RSRP1: variants seen among roughly 807,000 people sequenced by gnomAD.
The protein encoded by RSRP1 is arginine/serine-rich protein 1.
Under a neutral mutation model 33.0 loss-of-function variants are expected in RSRP1, and 37 were observed. The observed-to-expected ratio is 1.12, with a 90% confidence interval of 0.86 to 1.48. The LOEUF (loss-of-function observed/expected upper bound fraction) is 1.48. Among genes scored for constraint, RSRP1 ranks in the 40% most tolerant of loss-of-function variants. The probability of loss-of-function intolerance (pLI) is 0.00; values close to 1 mark genes in which losing one functional copy is unlikely to be tolerated. For missense variants in RSRP1, 402 were observed against 385.3 expected, an observed-to-expected ratio of 1.04 and a Z score of -0.36; for synonymous variants, 167 against 158.7, an observed-to-expected ratio of 1.05 and a Z score of -0.40.
chr1:25,334,970 T>C (rs2124213649), intron 1 of RSRP1, among the ~76,000 whole-genome samples: 1 of 122,078 alleles, frequency 8.2e-6, no homozygotes, highest in East Asian at 2.0e-4. Context: ...TGGAGACATT[T>C]TCCCCATTGT....
chr1:25,270,885 A>C (rs1292568721), intron 1 of RSRP1, among the ~76,000 whole-genome samples: 1 of 131,356 alleles, frequency 7.6e-6, no homozygotes, highest in Non-Finnish European at 1.8e-5. Flanking sequence ...AAATGTATAA[A>C]GCAAAATTAA....
chr1:25,321,498 TAAA>T (rs1214598540), intron 1 of RSRP1, among the ~76,000 whole-genome samples: 3 of 76,334 alleles, frequency 3.9e-5, no homozygotes, highest in African/African-American at 4.3e-5. Flanking sequence ...CCATCTCTAC[TAAA>T]AAAAAAAAAA....
At chr1:25,253,780 C>A (rs1639864550) in intron 1 of RSRP1, 1 of 152,442 alleles carries the variant, frequency 6.6e-6, no homozygotes, top group Non-Finnish European at 1.5e-5. Context: ...GGCCCCTAAT[C>A]CACAAGCCCA....
At position 25,309,808 on chromosome 1, in the gene RSRP1, A is replaced by C. The variant is rs1442569224; in HGVS notation, c.-67+28170T>G. On this transcript the variant is annotated intron_variant, in intron 1 of 1. Coordinates refer to the RSRP1 transcript ENST00000561867. ...TCACTCACAGGGCTGCTGTGAGGAC[A>C]TGTGTTGAGCTGAGGGTCTCGCCAG... Among the ~76,000 whole-genome samples the C allele has an allele frequency of 2.3e-5, 3 of 132,526 alleles. 1 individual carries two copies. Among genetic ancestry groups the C allele is most frequent in the Admixed American group, 1.5e-4 (2 of 13,654 alleles). 86.9% of individuals were successfully genotyped at this position (132,526 alleles called of 152,430 possible).
rs599261 is a variant in RSRP1 at position 25,296,610 on chromosome 1, C to T, written c.-67+41368G>A. On this transcript the variant is annotated intron_variant, in intron 1 of 1. Coordinates refer to the RSRP1 transcript ENST00000561867. Reference sequence around the variant, plus strand: ...TCCAATCTCATCTCGAATTGTAATCCCCACGTGTTGAGGGCATGACCTCGT... The same window carrying T: ...TCCAATCTCATCTCGAATTGTAATCTCCACGTGTTGAGGGCATGACCTCGT... Among the ~76,000 whole-genome samples, 182 of 129,104 alleles carry T rather than the reference C, an allele frequency of 1.4e-3. 21 individuals carry two copies. Among genetic ancestry groups the T allele is most frequent in the African/African-American group, 4.6e-3 (168 of 36,146 alleles). 84.7% of individuals were successfully genotyped at this position (129,104 alleles called of 152,430 possible). A position where few individuals can be genotyped will look rare whatever the true frequency, so the allele number is the denominator to read the frequency against.
Position 25,289,823 on chromosome 1 carries a change from ATT to A in RSRP1, c.-66-42796_-66-42795del, listed in dbSNP as rs71014347. 1.6e-4 allele frequency among the ~76,000 whole-genome samples: 19 copies of A among 115,864 alleles called. 2 individuals carry two copies. Among genetic ancestry groups the A allele is most frequent in the African/African-American group, 3.6e-4 (12 of 33,698 alleles). The allele number at this position is 115,864 out of a possible 152,430, so 76.0% of individuals were successfully genotyped here. On this transcript the variant is annotated intron_variant, in intron 1 of 1. Transcript: ENST00000561867. ...TGTAGCCTGTCTAGATCATAAGTAC[ATT>A]TTTTTTTTTTTTGGATCATAAGTAT...
At chr1:25,245,116 G>A in intron 3 of RSRP1, 34 bp downstream of exon 3, 1 of 1,614,080 alleles carries the variant, frequency 6.2e-7, no homozygotes, top group East Asian at 2.2e-5. Context: ...TTGGCTTTCT[G>A]AAAGTTTTGT....
chr1:25,296,846 C>T lies in RSRP1; in HGVS notation c.-67+41132G>A, dbSNP rs1191349530. Among the ~76,000 whole-genome samples, 11 of 127,958 alleles carry T rather than the reference C, an allele frequency of 8.6e-5. 3 individuals are homozygous for T. The South Asian group carries it at 2.7e-3, about 31-fold the overall frequency. The allele number at this position is 127,958 out of a possible 152,430, so 83.9% of individuals were successfully genotyped here. On this transcript the variant is annotated intron_variant, in intron 1 of 1. Transcript: ENST00000561867. ...CTGAGGCCTCCCCGGCCATGCCAAA[C>T]TGTGAGTCAATTCAGCCTCTTTTGT... is the stretch of plus-strand genomic sequence containing the variant.
chr1:25,271,561 C>T lies in RSRP1; in HGVS notation c.-66-24532G>A, dbSNP rs1281335047. On this transcript the variant is annotated intron_variant, in intron 1 of 1. Transcript: ENST00000561867. ...TTCTTTTCTTCCTCTTTCATCTCTT[C>T]CTCCCTCTCTACATCCCTCTCTCTC... Among the ~76,000 whole-genome samples the T allele has an allele frequency of 1.5e-5, 2 of 132,776 alleles. 1 individual carries two copies. Among genetic ancestry groups the T allele is most frequent in the Non-Finnish European group, 3.6e-5 (2 of 55,884 alleles). 87.1% of individuals were successfully genotyped at this position (132,776 alleles called of 152,430 possible).
At chr1:25,242,761 CA>C (rs1186762009) in intron 4 of RSRP1, 56 bp from the exon 5 acceptor site, 54 of 1,196,730 alleles carry the variant, frequency 4.5e-5, no homozygotes, top group South Asian at 6.4e-5. Flanking sequence ...ACTTTTTTCA[CA>C]AAAAAAAGTA....
Position 25,286,257 on chromosome 1 carries a change from G to C in RSRP1, c.-66-39228C>G, listed in dbSNP as rs1002456051. On this transcript the variant is annotated intron_variant, in intron 1 of 1. Coordinates refer to the RSRP1 transcript ENST00000561867. ...TAATCCCAGTACTTTTGGGAACCGAGGTGGGCAGATCACTTGAGCCCAGAA... is the reference window on the plus strand; with the variant it reads ...TAATCCCAGTACTTTTGGGAACCGACGTGGGCAGATCACTTGAGCCCAGAA... 5.9e-5 allele frequency among the ~76,000 whole-genome samples: 8 copies of C among 135,452 alleles called. 2 individuals carry two copies. The highest frequency in any genetic ancestry group is 1.2e-4 in the Non-Finnish European group (7 of 57,114). 88.9% of individuals were successfully genotyped at this position (135,452 alleles called of 152,430 possible). A position where few individuals can be genotyped will look rare whatever the true frequency, so the allele number is the denominator to read the frequency against.
rs140150771 is a variant in RSRP1, at chr1:25,301,002, G to C, written c.-67+36976C>G. The C allele has an allele frequency of 6.5e-6, 9 of 1,375,988 alleles. 2 individuals are homozygous for C. The African/African-American group carries it at 1.3e-4, about 20-fold the overall frequency. 85.2% of individuals were successfully genotyped at this position (1,375,988 alleles called of 1,614,324 possible). On this transcript the variant is annotated intron_variant, in intron 1 of 1. Coordinates refer to the RSRP1 transcript ENST00000561867. ...ACGTGTTCGCAGCCTATTTTGGGCTGTCTGTGGCCTGGTGCCTGCCAAAGC... is the reference window on the plus strand; with the variant it reads ...ACGTGTTCGCAGCCTATTTTGGGCTCTCTGTGGCCTGGTGCCTGCCAAAGC...
In RSRP1 at chr1:25,320,452, G is replaced by A. The variant is rs1471499145; in HGVS notation, c.-67+17526C>T. On this transcript the variant is annotated intron_variant, in intron 1 of 1. Coordinates refer to the RSRP1 transcript ENST00000561867. ...AGCTATCTGGAAAATTCATGCAGGC[G>A]CCAGAGATCGTTACTGAGTAATTCA... 1.5e-5 allele frequency among the ~76,000 whole-genome samples: 2 copies of A among 131,862 alleles called. 1 individual carries two copies. The highest frequency in any genetic ancestry group is 3.6e-5 in the Non-Finnish European group (2 of 55,746). 86.5% of individuals were successfully genotyped at this position (131,862 alleles called of 152,430 possible).
At chr1:25,319,158 A>G (rs780191643) in intron 1 of RSRP1, among the ~76,000 whole-genome samples, 2 of 129,594 alleles carry the variant, frequency 1.5e-5, no homozygotes, top group Admixed American at 7.4e-5. Context: ...TGGTATGTTC[A>G]AAGTGGTGCT....
chr1:25,289,219 C>T (rs1642292696), intron 1 of RSRP1, among the ~76,000 whole-genome samples: 1 of 132,058 alleles, frequency 7.6e-6, no homozygotes, highest in Admixed American at 7.4e-5. Context: ...GTGTGTGAGG[C>T]AGTCTTACTC....
intron 1 of RSRP1, among the ~76,000 whole-genome samples, chr1:25,315,601 G>A (rs1332103687): frequency 8.0e-6 from 1 of 124,386 alleles, no homozygotes; most frequent in Non-Finnish European, 1.9e-5. Context: ...GGTTCACGCC[G>A]TTCTCCTGCC....
Position 25,246,777 on chromosome 1 carries a change from T to G in RSRP1, c.187A>C (p.Arg63=). The change falls in exon 2 of 5, where the codon AGG becomes CGG. Residue 63 remains arginine (R), a synonymous_variant. Coordinates refer to ENST00000243189, the MANE Select transcript of RSRP1 (RefSeq NM_020317.5). ...TGGTGGCGCCTTCGGGAACGGGACC[T>G]GGACTTGCTCCTCCGACTCCTGGAC... is the stretch of plus-strand genomic sequence containing the variant. ...FSSRSRRSKS[R]SRSRRRHQRK... 1 of 1,612,972 alleles carries G rather than the reference T, an allele frequency of 6.2e-7. No individual in the cohort carries two copies. The highest frequency in any genetic ancestry group is 8.5e-7 in the Non-Finnish European group (1 of 1,179,364).
chr1:25,244,314 G>A (rs962566032), intron 3 of RSRP1: 9 of 1,287,422 alleles, frequency 7.0e-6, no homozygotes, highest in Non-Finnish European at 9.1e-6. Flanking sequence ...TTTAAAAATT[G>A]ACTTTAATAC....
At chr1:25,249,344 A>C (rs1639702046), upstream of RSRP1, among the ~76,000 whole-genome samples, 1 of 151,350 alleles carries the variant, frequency 6.6e-6, no homozygotes, top group African/African-American at 2.4e-5. Flanking sequence ...GAAAAATCCT[A>C]ATTTTTTTTT....
Sources: gnomAD v4.1 joint callset for allele counts (sites outside exome capture counted in the v4.1 genomes callset) on GRCh38, gnomAD v4.1.1 for gene constraint, MANE v1.5 for transcripts, NCBI Gene and HGNC (gene_info 2026-07-23, HGNC 2026-07-21) for gene names.